The following NRXN1 variants were observed in gnomAD, a reference collection of about 807,000 sequenced individuals.
NRXN1 encodes neurexin-1.
NRXN1 carries 39 observed loss-of-function variants against 150.9 expected under a neutral mutation model. The observed-to-expected ratio is 0.26, with a 90% CI of 0.20 to 0.34. The LOEUF (loss-of-function observed/expected upper bound fraction) is 0.34. NRXN1 is among the 10% of genes least tolerant of loss of function. The probability of loss-of-function intolerance (pLI) is 1.00; values close to 1 mark genes in which losing one functional copy is unlikely to be tolerated. For synonymous variants in NRXN1, 924 were observed against 757.0 expected (o/e 1.22, Z -3.62); for missense variants, 1,815 against 1,949.9 (o/e 0.93, Z 1.30).
chr2:50,113,723 T>C (rs1271527368), intron 18 of NRXN1, among the ~76,000 whole-genome samples: 1 of 152,192 alleles, frequency 6.6e-6, no homozygotes, highest in Non-Finnish European at 1.5e-5. Flanking sequence ...TGCTCACGTA[T>C]AATCCACCTT....
At chr2:50,180,417 CCT>C (rs1165496588) in intron 18 of NRXN1, among the ~76,000 whole-genome samples, 3 of 152,040 alleles carry the variant, frequency 2.0e-5, no homozygotes, top group Non-Finnish European at 2.9e-5. Flanking sequence ...TGTATAATCC[CCT>C]GTTATAGCCT....
chr2:50,404,095 C>A (rs1411891165), intron 17 of NRXN1, among the ~76,000 whole-genome samples: 1 of 152,086 alleles, frequency 6.6e-6, no homozygotes, highest in Non-Finnish European at 1.5e-5. Flanking sequence ...CTACCACTTA[C>A]CCTAAGCTCC....
chr2:50,191,051 C>T (rs931931038), intron 18 of NRXN1, among the ~76,000 whole-genome samples: 3 of 151,424 alleles, frequency 2.0e-5, no homozygotes, highest in Non-Finnish European at 2.9e-5. Context: ...TTCTTTGAGA[C>T]GGAGTCTCAC....
At chr2:50,115,292 T>A (rs1261504801) in intron 18 of NRXN1, among the ~76,000 whole-genome samples, 1 of 149,022 alleles carries the variant, frequency 6.7e-6, no homozygotes, top group Non-Finnish European at 1.5e-5. Context: ...CAAAGAAAGC[T>A]GATTAAAACT....
intron 5 of NRXN1, among the ~76,000 whole-genome samples, chr2:50,760,751 G>T (rs1701711746): frequency 6.6e-6 from 1 of 151,900 alleles, no homozygotes; most frequent in Non-Finnish European, 1.5e-5. Flanking sequence ...GTGTATGTGG[G>T]GTGGGTGTGT....
At chr2:50,148,273 T>A (rs916465295) in intron 18 of NRXN1, among the ~76,000 whole-genome samples, 1 of 151,620 alleles carries the variant, frequency 6.6e-6, no homozygotes, top group Non-Finnish European at 1.5e-5. Context: ...ATTGATTACA[T>A]GACTAGCAAG....
intron 2 of NRXN1, among the ~76,000 whole-genome samples, chr2:50,976,077 T>A (rs952828661): frequency 2.6e-5 from 4 of 152,082 alleles, no homozygotes; most frequent in Non-Finnish European, 5.9e-5. Flanking sequence ...CAATAATGCC[T>A]GTGTGCCCTG....
chr2:50,274,710 G>T (rs1458403132), intron 17 of NRXN1, among the ~76,000 whole-genome samples: 2 of 151,970 alleles, frequency 1.3e-5, no homozygotes, highest in Non-Finnish European at 2.9e-5. Context: ...TCTCTAAAAT[G>T]AGCATAGGCT....
intron 17 of NRXN1, among the ~76,000 whole-genome samples, chr2:50,409,754 T>C (rs991110884): frequency 6.6e-6 from 1 of 152,232 alleles, no homozygotes; most frequent in Non-Finnish European, 1.5e-5. Flanking sequence ...TGTATAAGAA[T>C]GTAAGGTGCT....
At chr2:50,398,431 A>G (rs2082181929) in intron 17 of NRXN1, among the ~76,000 whole-genome samples, 1 of 152,182 alleles carries the variant, frequency 6.6e-6, no homozygotes, top group South Asian at 2.1e-4. Flanking sequence ...CTCAAATAAT[A>G]AAAGAAAAGA....
At chr2:50,253,219 T>C (rs1356043050) in intron 17 of NRXN1, among the ~76,000 whole-genome samples, 1 of 152,128 alleles carries the variant, frequency 6.6e-6, no homozygotes, top group Non-Finnish European at 1.5e-5. Flanking sequence ...CCTTGTCTAT[T>C]GGTGGTGTAT....
At chr2:50,254,198 G>C (rs915148251) in intron 17 of NRXN1, among the ~76,000 whole-genome samples, 1 of 151,882 alleles carries the variant, frequency 6.6e-6, no homozygotes, top group African/African-American at 2.4e-5. Context: ...TAGTTTGTTT[G>C]CATAGAGGTG....
chr2:50,809,172 G>A (rs770646628), intron 5 of NRXN1, among the ~76,000 whole-genome samples: 1 of 152,142 alleles, frequency 6.6e-6, no homozygotes, highest in East Asian at 1.9e-4. Flanking sequence ...GAGATGCTAC[G>A]AAGTTGTTAG....
chr2:50,472,220 T>G, intron 16 of NRXN1, 78 bp downstream of exon 16: 1 of 1,259,264 alleles, frequency 7.9e-7, no homozygotes. Flanking sequence ...ATCAGAATTT[T>G]GCTGGACAGT....
At chr2:50,952,126 C>T (rs1226251653) in intron 2 of NRXN1, among the ~76,000 whole-genome samples, 1 of 150,932 alleles carries the variant, frequency 6.6e-6, no homozygotes, top group African/African-American at 2.4e-5. Flanking sequence ...GCCACTACGC[C>T]CAGCTAATTT....
chr2:50,956,833 T>A (rs1354799835), intron 2 of NRXN1, among the ~76,000 whole-genome samples: 1 of 152,140 alleles, frequency 6.6e-6, no homozygotes. Context: ...CAGATGACAT[T>A]CATCCTAACA....
intron 18 of NRXN1, among the ~76,000 whole-genome samples, chr2:50,115,217 G>GTATATATA (rs35673922): frequency 0.043 from 5,772 of 134,786 alleles, 136 homozygotes; most frequent in South Asian, 0.047. Context: ...TATGTTATGT[G>GTATATATA]TATATATATA....
chr2:50,821,336 C>T (rs932877638), intron 5 of NRXN1, among the ~76,000 whole-genome samples: 3 of 152,074 alleles, frequency 2.0e-5, no homozygotes, highest in Admixed American at 1.3e-4. Flanking sequence ...TTATATGTGG[C>T]CCAAGACAAT....
intron 2 of NRXN1, among the ~76,000 whole-genome samples, chr2:51,027,046 C>T (rs1323616292): frequency 6.6e-6 from 1 of 152,210 alleles, no homozygotes; most frequent in East Asian, 1.9e-4. Context: ...GTATACCTCT[C>T]CTGTGCTTCA....
Sources: gnomAD v4.1 joint callset for allele counts (sites outside exome capture counted in the v4.1 genomes callset) on GRCh38, gnomAD v4.1.1 for gene constraint, MANE v1.5 for transcripts, NCBI Gene and HGNC (gene_info 2026-07-23, HGNC 2026-07-21) for gene names.